ZNF148: variants seen among roughly 807,000 people sequenced by gnomAD.
ZNF148 encodes Beta-Enolase Repressor Factor-1.
ZNF148 carries 7 observed loss-of-function variants against 67.7 expected under a neutral mutation model. The ratio of observed to expected loss-of-function variants is 0.10; its 90% confidence interval spans 0.06 to 0.19. ZNF148 has a LOEUF of 0.19. ZNF148 is among the 10% of genes least tolerant of loss of function. The pLI is 1.00. For synonymous variants in ZNF148, 333 were observed against 330.7 expected (o/e 1.01, Z -0.08); for missense variants, 583 against 947.1 (o/e 0.62, Z 5.05).
intron 1 of ZNF148, among the ~76,000 whole-genome samples, chr3:125,364,260 G>A (rs906958457): frequency 1.3e-5 from 2 of 152,200 alleles, no homozygotes; most frequent in East Asian, 1.9e-4. Flanking sequence ...TTAGCTGGGC[G>A]TGGTGTCACA....
intron 3 of ZNF148, among the ~76,000 whole-genome samples, chr3:125,318,873 T>C (rs1472370641): frequency 2.0e-5 from 3 of 152,166 alleles, no homozygotes; most frequent in Admixed American, 6.5e-5. Context: ...TTCTGCATTC[T>C]TCCCCCGCTT....
chr3:125,279,861 G>A (rs563965929), intron 5 of ZNF148, among the ~76,000 whole-genome samples: 4 of 152,018 alleles, frequency 2.6e-5, no homozygotes, highest in South Asian at 2.1e-4. Flanking sequence ...ACTTGAGAAG[G>A]ATATATATAC....
rs557011405 is a variant in ZNF148, at chr3:125,233,190, A to G, written c.1536T>C (p.Ser512=). ...GTGACTCTAATATGGATGCCGTGGTACTTTCATCAATGACACTTGCCACAG... is the reference window on the plus strand; with the variant it reads ...GTGACTCTAATATGGATGCCGTGGTGCTTTCATCAATGACACTTGCCACAG... The part of the protein sequence containing the change: ...QAAVASVIDE[S]TTASILESQA... Residue 512 remains serine (S), a synonymous_variant, in exon 9 of 9, where the codon AGT becomes AGC. Transcript: ENST00000360647. This position sits in a 1 kb window ranked among gnomAD's most constrained non-coding sequence, Gnocchi z 5.1. 3 of 1,613,884 alleles carry G rather than the reference A, an allele frequency of 1.9e-6. No homozygotes were observed. Among genetic ancestry groups the G allele is most frequent in the African/African-American group, 2.7e-5 (2 of 75,014 alleles).
chr3:125,344,230 G>A, intron 1 of ZNF148: 1 of 349,060 alleles, frequency 2.9e-6, no homozygotes, highest in Non-Finnish European at 5.5e-6. Context: ...AGTAGAACCT[G>A]ATATCAATTT....
chr3:125,273,880 A>C (rs1332020493), intron 7 of ZNF148, among the ~76,000 whole-genome samples: 1 of 152,238 alleles, frequency 6.6e-6, no homozygotes, highest in East Asian at 1.9e-4. Context: ...ATAACTAAAA[A>C]GCTACCATAA....
intron 4 of ZNF148, among the ~76,000 whole-genome samples, chr3:125,297,448 C>G (rs1207486179): frequency 6.9e-6 from 1 of 145,620 alleles, no homozygotes; most frequent in Non-Finnish European, 1.5e-5. Context: ...ATAAATCGAA[C>G]CTTATTAACT....
chr3:125,279,065 T>C (rs775262273), intron 6 of ZNF148, 59 bp downstream of exon 6: 60 of 1,489,774 alleles, frequency 4.0e-5, no homozygotes, highest in Non-Finnish European at 5.0e-5. Context: ...TACACGAAGA[T>C]GAAAATAACA....
chr3:125,258,446 G>A (rs1172723928), intron 7 of ZNF148, among the ~76,000 whole-genome samples: 11 of 74,354 alleles, frequency 1.5e-4, no homozygotes, highest in East Asian at 3.1e-4. Flanking sequence ...AAAAAAAAAA[G>A]GGGGATAGCA....
intron 7 of ZNF148, among the ~76,000 whole-genome samples, chr3:125,260,334 G>A (rs1937281450): frequency 6.6e-6 from 1 of 151,998 alleles, no homozygotes; most frequent in Non-Finnish European, 1.5e-5. Context: ...GCAAAGTGTA[G>A]TAAAGTGAAG....
intron 1 of ZNF148, among the ~76,000 whole-genome samples, chr3:125,349,508 G>GCAAAT (rs1416332372): frequency 2.0e-5 from 3 of 152,150 alleles, no homozygotes; most frequent in Non-Finnish European, 4.4e-5. Flanking sequence ...TCAGGAATAT[G>GCAAAT]CAAATCAAAA....
At chr3:125,286,725 T>C (rs949498924) in intron 5 of ZNF148, among the ~76,000 whole-genome samples, 4 of 152,328 alleles carry the variant, frequency 2.6e-5, no homozygotes, top group South Asian at 4.1e-4. Context: ...AGCACAAAAG[T>C]TGCTTACATT....
chr3:125,342,905 C>G (rs1941790358), intron 1 of ZNF148, among the ~76,000 whole-genome samples: 1 of 152,098 alleles, frequency 6.6e-6, no homozygotes, highest in Non-Finnish European at 1.5e-5. Context: ...TATTAGTAGA[C>G]TAAGTCATGT....
At chr3:125,326,093 C>A (rs1413640839) in intron 2 of ZNF148, among the ~76,000 whole-genome samples, 1 of 151,992 alleles carries the variant, frequency 6.6e-6, no homozygotes, top group Admixed American at 6.6e-5. Flanking sequence ...CCCAGATAAC[C>A]AAATATTGAG....
At chr3:125,278,363 C>G (rs992111840) in intron 6 of ZNF148, among the ~76,000 whole-genome samples, 17 of 152,054 alleles carry the variant, frequency 1.1e-4, no homozygotes, top group African/African-American at 3.4e-4. Context: ...TGTTTCAGTC[C>G]TGAAACACTT....
intron 7 of ZNF148, among the ~76,000 whole-genome samples, chr3:125,254,831 T>A (rs1050502747): frequency 2.0e-5 from 3 of 152,236 alleles, no homozygotes; most frequent in African/African-American, 7.2e-5. Flanking sequence ...ATTATTTGCA[T>A]TTAATGTACT....
chr3:125,244,228 C>T lies in ZNF148; in HGVS notation c.668-9899G>A, dbSNP rs73859155. Among the ~76,000 whole-genome samples the T allele has an allele frequency of 9.4e-3, 1,438 of 152,260 alleles. 28 individuals carry two copies. Among genetic ancestry groups the T allele is most frequent in the African/African-American group, 0.032 (1,344 of 41,534 alleles). On this transcript the variant is annotated intron_variant, in intron 7 of 8. Transcript: ENST00000360647. The stretch of plus-strand genomic sequence containing the variant: ...TCCCTGGTAACTCTGACATTGCACA[C>T]AATCAGCTGTTTATGGATAAAAATT...
chr3:125,295,189 CTCATGCCTGTAA>C (rs1434936979), intron 4 of ZNF148, among the ~76,000 whole-genome samples: 1 of 152,166 alleles, frequency 6.6e-6, no homozygotes, highest in African/African-American at 2.4e-5. Context: ...GGCACAGAGG[CTCATGCCTGTAA>C]TCCCAGCACT....
chr3:125,264,982 G>A (rs1423071633), intron 7 of ZNF148, among the ~76,000 whole-genome samples: 1 of 152,176 alleles, frequency 6.6e-6, no homozygotes, highest in Non-Finnish European at 1.5e-5. Context: ...TATAGAGTAA[G>A]TAGCTTTAAC....
At chr3:125,361,179 G>A (rs961444793) in intron 1 of ZNF148, among the ~76,000 whole-genome samples, 2 of 151,876 alleles carry the variant, frequency 1.3e-5, no homozygotes, top group Non-Finnish European at 2.9e-5. Context: ...GCTTTTCCTG[G>A]ACAATCTGCT....
Sources: gnomAD v4.1 joint callset for allele counts (sites outside exome capture counted in the v4.1 genomes callset) on GRCh38, gnomAD v4.1.1 for gene constraint, Gnocchi (gnomAD v3.1) non-coding constraint, MANE v1.5 for transcripts, NCBI Gene and HGNC (gene_info 2026-07-23, HGNC 2026-07-21) for gene names.